SNX9: variants seen among roughly 807,000 people sequenced by gnomAD.
SNX9 encodes sorting nexin-9.
In SNX9, 44 loss-of-function variants were observed where a neutral mutation model predicts 89.4. The observed-to-expected ratio is 0.49, with a 90% CI of 0.39 to 0.63. The LOEUF (loss-of-function observed/expected upper bound fraction) is 0.63, where lower values mean the gene tolerates loss of function less well. Among genes scored for constraint, SNX9 ranks in the 30% least tolerant of loss-of-function variants. The probability of loss-of-function intolerance (pLI) is 0.00; values close to 1 mark genes in which losing one functional copy is unlikely to be tolerated. For missense variants in SNX9, 578 were observed against 736.1 expected (o/e 0.79, Z 2.49); for synonymous variants, 236 against 247.8 (o/e 0.95, Z 0.45).
At chr6:157,897,177 G>A (rs1251477491) in intron 5 of SNX9, among the ~76,000 whole-genome samples, 179 bp downstream of exon 5, 2 of 145,222 alleles carry the variant, frequency 1.4e-5, no homozygotes, top group Non-Finnish European at 3.1e-5. Context: ...GACACCAGCT[G>A]AGTGTCCTAC....
chr6:157,928,843 G>A lies in SNX9; in HGVS notation c.1288+141G>A, dbSNP rs1222077409. ...GCAGTAATGTCCCTCCTGTGATTCTGCTTGATCTCACTTCACCTGAGTTAA... is the reference window on the plus strand; with the variant it reads ...GCAGTAATGTCCCTCCTGTGATTCTACTTGATCTCACTTCACCTGAGTTAA... On this transcript the variant is annotated intron_variant, in intron 12 of 17. Coordinates refer to ENST00000392185, the MANE Select transcript of SNX9 (RefSeq NM_016224.5). 4 of 597,008 alleles carry A rather than the reference G, an allele frequency of 6.7e-6. No homozygotes were observed. The African/African-American group carries it at 7.8e-5, about 12-fold the overall frequency. 37.0% of individuals were successfully genotyped at this position (597,008 alleles called of 1,614,324 possible). A position where few individuals can be genotyped will look rare whatever the true frequency, so the allele number is the denominator to read the frequency against.
chr6:157,838,158 A>G (rs140565976), intron 1 of SNX9, among the ~76,000 whole-genome samples: 8 of 152,080 alleles, frequency 5.3e-5, no homozygotes, highest in African/African-American at 1.9e-4. Flanking sequence ...GACTACAGGC[A>G]TGCATCACCA....
chr6:157,846,189 A>C (rs1781804146), intron 1 of SNX9, among the ~76,000 whole-genome samples: 1 of 152,264 alleles, frequency 6.6e-6, no homozygotes, highest in African/African-American at 2.4e-5. Flanking sequence ...CCTTTGTCCA[A>C]GTATGATTCA....
chr6:157,825,288 C>T (rs1329582892), intron 1 of SNX9, among the ~76,000 whole-genome samples: 1 of 152,080 alleles, frequency 6.6e-6, no homozygotes, highest in Non-Finnish European at 1.5e-5. Context: ...AAAGAGAAGA[C>T]GGTTTATGAC....
At chr6:157,861,943 G>T (rs1282640510) in intron 1 of SNX9, among the ~76,000 whole-genome samples, 1 of 152,160 alleles carries the variant, frequency 6.6e-6, no homozygotes, top group African/African-American at 2.4e-5. Flanking sequence ...CTACTAAATG[G>T]GACGGCTACT....
intron 4 of SNX9, among the ~76,000 whole-genome samples, chr6:157,894,641 A>C (rs969738645): frequency 6.6e-6 from 1 of 152,152 alleles, no homozygotes; most frequent in Non-Finnish European, 1.5e-5. Flanking sequence ...TAAACTATTA[A>C]ATTACTCAAA....
chr6:157,861,970 G>T (rs1211542952), intron 1 of SNX9, among the ~76,000 whole-genome samples: 3 of 152,162 alleles, frequency 2.0e-5, no homozygotes, highest in Non-Finnish European at 4.4e-5. Flanking sequence ...CAGTCAGGTG[G>T]GCAGTGTCTA....
At chr6:157,931,757 A>G (rs1783814077) in intron 12 of SNX9, among the ~76,000 whole-genome samples, 1 of 152,234 alleles carries the variant, frequency 6.6e-6, no homozygotes, top group Admixed American at 6.5e-5. Flanking sequence ...TCACAAGTCC[A>G]TGTCCAGCAT....
intron 4 of SNX9, among the ~76,000 whole-genome samples, chr6:157,890,827 A>G (rs1782842592): frequency 6.6e-6 from 1 of 152,136 alleles, no homozygotes; most frequent in South Asian, 2.1e-4. Flanking sequence ...AGCATAGAAG[A>G]GTTAAACGAA....
At chr6:157,845,147 C>T (rs1328234827) in intron 1 of SNX9, among the ~76,000 whole-genome samples, 2 of 140,836 alleles carry the variant, frequency 1.4e-5, no homozygotes, top group African/African-American at 5.4e-5. Context: ...CCGCTCTTGT[C>T]GCCCAGGCTG....
chr6:157,918,675 T>G (rs748588605), intron 9 of SNX9, among the ~76,000 whole-genome samples: 44 of 152,182 alleles, frequency 2.9e-4, no homozygotes, highest in Non-Finnish European at 4.1e-4. Flanking sequence ...TTTCCTCCTT[T>G]ACTGCCTTTT....
intron 1 of SNX9, among the ~76,000 whole-genome samples, chr6:157,851,236 T>C (rs113191470): frequency 0.032 from 4,772 of 147,956 alleles, 195 homozygotes; most frequent in African/African-American, 0.093. Flanking sequence ...CCAGCTTGGG[T>C]GACAGAGCAA....
chr6:157,839,622 A>C (rs1781654918), intron 1 of SNX9, among the ~76,000 whole-genome samples: 1 of 152,232 alleles, frequency 6.6e-6, no homozygotes, highest in African/African-American at 2.4e-5. Flanking sequence ...TTTACAACAA[A>C]TTACATCCCC....
chr6:157,842,663 T>G (rs769326545), intron 1 of SNX9, among the ~76,000 whole-genome samples: 1 of 152,130 alleles, frequency 6.6e-6, no homozygotes, highest in Non-Finnish European at 1.5e-5. Flanking sequence ...GGGGTTGAAG[T>G]TAGGTTTTCT....
intron 10 of SNX9, among the ~76,000 whole-genome samples, chr6:157,925,876 C>A (rs1033613816): frequency 6.6e-6 from 1 of 150,950 alleles, no homozygotes; most frequent in Non-Finnish European, 1.5e-5. Context: ...CTCACAGTTA[C>A]GGAGGCTGGA....
intron 12 of SNX9, among the ~76,000 whole-genome samples, chr6:157,929,504 T>C (rs926815615): frequency 6.6e-6 from 1 of 152,228 alleles, no homozygotes; most frequent in African/African-American, 2.4e-5. Flanking sequence ...TCTGCCCTTA[T>C]TGCTGTGTCT....
chr6:157,868,304 TACAC>T (rs1782309353), intron 2 of SNX9, among the ~76,000 whole-genome samples: 1 of 152,244 alleles, frequency 6.6e-6, no homozygotes, highest in African/African-American at 2.4e-5. Flanking sequence ...TACATATACA[TACAC>T]ACATGCATCT....
At chr6:157,911,751 A>T (rs748046639) in intron 9 of SNX9, among the ~76,000 whole-genome samples, 1 of 152,146 alleles carries the variant, frequency 6.6e-6, no homozygotes, top group African/African-American at 2.4e-5. Flanking sequence ...TCCTTAAAAC[A>T]TTACTTTATA....
intron 9 of SNX9, 127 bp downstream of exon 9, chr6:157,910,152 A>G (rs1369996794): frequency 2.7e-6 from 2 of 739,032 alleles, no homozygotes; most frequent in South Asian, 3.3e-5. Flanking sequence ...GGAAACAGTA[A>G]TTAAATACAG....
Sources: allele counts gnomAD v4.1 joint callset (sites outside exome capture counted in the v4.1 genomes callset), GRCh38; gene constraint gnomAD v4.1.1; transcripts MANE v1.5; gene names NCBI Gene and HGNC (gene_info 2026-07-23, HGNC 2026-07-21).